Variants in GHR observed in about 807,000 individuals in gnomAD.
GHR encodes GH receptor.
GHR carries 35 observed loss-of-function variants against 67.1 expected under a neutral mutation model. The ratio of observed to expected loss-of-function variants is 0.52; its 90% CI spans 0.40 to 0.69. The LOEUF is 0.69. GHR is among the 30% of genes least tolerant of loss of function. GHR has a pLI of 0.00. For synonymous variants in GHR, 272 were observed against 269.1 expected (o/e 1.01, Z -0.10); for missense variants, 792 against 764.6 (o/e 1.04, Z -0.42).
At chr5:42,435,742 C>A (rs894489183) in intron 1 of GHR, among the ~76,000 whole-genome samples, 1 of 152,198 alleles carries the variant, frequency 6.6e-6, no homozygotes, top group African/African-American at 2.4e-5. Context: ...AGGATTCAAT[C>A]CAGAAGCGTG....
intron 1 of GHR, chr5:42,548,004 C>T: frequency 1.4e-6 from 1 of 719,766 alleles, no homozygotes; most frequent in Non-Finnish European, 1.7e-6. Context: ...GCTTTCTACC[C>T]ATCCAGATCA....
intron 1 of GHR, among the ~76,000 whole-genome samples, chr5:42,488,243 A>T (rs1344678670): frequency 1.3e-5 from 2 of 152,180 alleles, no homozygotes; most frequent in Non-Finnish European, 2.9e-5. Context: ...CTTATTTTTT[A>T]ATTTAGTACA....
intron 2 of GHR, among the ~76,000 whole-genome samples, chr5:42,607,526 A>T (rs1308467146): frequency 6.6e-6 from 1 of 152,226 alleles, no homozygotes; most frequent in African/African-American, 2.4e-5. Context: ...TTATAGTCTG[A>T]TTAGGAATAA....
At chr5:42,676,040 A>T (rs937890150) in intron 3 of GHR, among the ~76,000 whole-genome samples, 10 of 152,156 alleles carry the variant, frequency 6.6e-5, no homozygotes, top group Non-Finnish European at 1.5e-5. Context: ...TAATCCCAGC[A>T]CTTTGGGAGG....
intron 1 of GHR, among the ~76,000 whole-genome samples, chr5:42,493,538 A>T (rs1746201654): frequency 6.6e-6 from 1 of 152,194 alleles, no homozygotes. Flanking sequence ...AAATGATTTT[A>T]TGCAGGGATT....
In GHR at chr5:42,542,112, G is replaced by A. The variant is rs1159429303; in HGVS notation, c.-11-23752G>A. On this transcript the variant is annotated intron_variant, in intron 1 of 9. Coordinates refer to ENST00000230882, the MANE Select transcript of GHR (RefSeq NM_000163.5). ...AATAACTATAGAGAAAAGAGGAGAG[G>A]AGGATAATTTCTGGTGATATTTCAA... Among the ~76,000 whole-genome samples the A allele has an allele frequency of 2.6e-5, 4 of 152,124 alleles. No homozygotes were observed. The East Asian group carries it at 5.8e-4, about 22-fold the overall frequency.
chr5:42,545,157 G>C (rs552258691), intron 1 of GHR, among the ~76,000 whole-genome samples: 1 of 152,116 alleles, frequency 6.6e-6, no homozygotes, highest in South Asian at 2.1e-4. Flanking sequence ...TGATAGAACC[G>C]GCCTGAATCA....
At chr5:42,493,591 G>T (rs1056231983) in intron 1 of GHR, among the ~76,000 whole-genome samples, 1 of 152,056 alleles carries the variant, frequency 6.6e-6, no homozygotes, top group Non-Finnish European at 1.5e-5. Context: ...TTGTTAATGG[G>T]ATCTATATAG....
intron 1 of GHR, among the ~76,000 whole-genome samples, chr5:42,434,709 G>A (rs1398211580): frequency 6.6e-6 from 1 of 152,194 alleles, no homozygotes; most frequent in Non-Finnish European, 1.5e-5. Flanking sequence ...AGTTAGCTAT[G>A]TTAACTATCT....
At chr5:42,561,917 A>C (rs1749629166) in intron 1 of GHR, among the ~76,000 whole-genome samples, 2 of 152,218 alleles carry the variant, frequency 1.3e-5, no homozygotes, top group Admixed American at 6.5e-5. Context: ...AGATTGTTAC[A>C]GAACTTCTTA....
Position 42,541,148 on chromosome 5 carries a change from C to T in GHR, c.-11-24716C>T, listed in dbSNP as rs538701833. ...ACATGCCTGGAAATATAGGAGTCAA[C>T]CAAATCGTCTCTGAGCTCATGTAGT... On this transcript the variant is annotated intron_variant, in intron 1 of 9. Transcript: ENST00000230882. 2.6e-5 allele frequency among the ~76,000 whole-genome samples: 4 copies of T among 152,190 alleles called. No homozygotes were observed. In the East Asian group the frequency reaches 5.8e-4, roughly 22 times the overall value.
intron 3 of GHR, among the ~76,000 whole-genome samples, chr5:42,672,528 T>C (rs2112908195): frequency 1.3e-5 from 2 of 152,218 alleles, no homozygotes; most frequent in East Asian, 1.9e-4. Flanking sequence ...AAGGACTCTC[T>C]AGTCAGTAAA....
intron 1 of GHR, among the ~76,000 whole-genome samples, chr5:42,452,671 G>C (rs1046139687): frequency 2.0e-5 from 3 of 151,936 alleles, no homozygotes; most frequent in Admixed American, 1.3e-4. Context: ...TCTTCTTCTT[G>C]TTCTAGTTTG....
At chr5:42,543,775 C>A (rs1460517626) in intron 1 of GHR, among the ~76,000 whole-genome samples, 1 of 152,044 alleles carries the variant, frequency 6.6e-6, no homozygotes, top group Non-Finnish European at 1.5e-5. Context: ...CAGTAATAAC[C>A]TTTTCTATAA....
chr5:42,459,224 T>G (rs369878665), intron 1 of GHR, among the ~76,000 whole-genome samples: 19 of 152,298 alleles, frequency 1.2e-4, no homozygotes, highest in East Asian at 7.7e-4. Flanking sequence ...ACTGTGGCAC[T>G]ATAACAGAGA....
At chr5:42,471,866 A>G (rs1437648697) in intron 1 of GHR, among the ~76,000 whole-genome samples, 2 of 152,226 alleles carry the variant, frequency 1.3e-5, no homozygotes, top group East Asian at 3.8e-4. Flanking sequence ...ATGGAGAACT[A>G]TAGCTCTTAA....
At chr5:42,707,602 T>C (rs1321339357) in intron 6 of GHR, among the ~76,000 whole-genome samples, 2 of 152,100 alleles carry the variant, frequency 1.3e-5, no homozygotes, top group Non-Finnish European at 1.5e-5. Context: ...GGAATGTTTT[T>C]CCATTTGCGT....
At chr5:42,540,424 A>G (rs1161167403) in intron 1 of GHR, among the ~76,000 whole-genome samples, 3 of 152,334 alleles carry the variant, frequency 2.0e-5, no homozygotes. Flanking sequence ...CAAAACATTC[A>G]CAGAACATAA....
intron 1 of GHR, among the ~76,000 whole-genome samples, chr5:42,436,263 T>C (rs1314647909): frequency 1.3e-5 from 2 of 152,142 alleles, no homozygotes; most frequent in Non-Finnish European, 2.9e-5. Context: ...GATTAAAACA[T>C]ATGTTTTTCT....
Sources: gnomAD v4.1 joint callset for allele counts (sites outside exome capture counted in the v4.1 genomes callset) on GRCh38, gnomAD v4.1.1 for gene constraint, MANE v1.5 for transcripts, NCBI Gene and HGNC (gene_info 2026-07-23, HGNC 2026-07-21) for gene names.